NR3C1: variants seen among roughly 807,000 people sequenced by gnomAD.
NR3C1 encodes glucocorticoid receptor.
NR3C1 carries 14 observed loss-of-function variants against 74.0 expected under a neutral mutation model. The observed-to-expected ratio is 0.19, with a 90% CI of 0.12 to 0.30. NR3C1 has a LOEUF of 0.30. Among genes scored for constraint, NR3C1 ranks in the 10% least tolerant of loss-of-function variants. NR3C1 has a pLI of 1.00. For synonymous variants in NR3C1, 308 were observed against 332.5 expected (o/e 0.93, Z 0.80); for missense variants, 695 against 909.8 (o/e 0.76, Z 3.04).
At chr5:143,310,030 C>T in intron 4 of NR3C1, 67 bp downstream of exon 4, 1 of 1,220,986 alleles carries the variant, frequency 8.2e-7, no homozygotes, top group South Asian at 1.2e-5. Flanking sequence ...CGTGTATCTT[C>T]AAAAGTAAAA....
At chr5:143,292,196 T>C (rs1178910071) in intron 7 of NR3C1, among the ~76,000 whole-genome samples, 1 of 152,140 alleles carries the variant, frequency 6.6e-6, no homozygotes, top group African/African-American at 2.4e-5. Context: ...TTTTCTTCTG[T>C]TGTTTTTGGG....
In NR3C1 at chr5:143,279,530, C is replaced by T. The variant is rs1812796610; in HGVS notation, c.*2359G>A. 2.1e-6 allele frequency: 2 copies of T among 954,842 alleles called. No individual in the cohort carries two copies. Among genetic ancestry groups the T allele is most frequent in the African/African-American group, 1.7e-5 (1 of 57,780 alleles). 59.1% of individuals were successfully genotyped at this position (954,842 alleles called of 1,614,324 possible). ...AAAATTTATCCAGCCGGGTTACACACCATCTTAAAATATTACATTCCCTTT... is the reference window on the plus strand; with the variant it reads ...AAAATTTATCCAGCCGGGTTACACATCATCTTAAAATATTACATTCCCTTT... On this transcript the variant is annotated 3_prime_UTR_variant, in exon 9 of 9. Coordinates refer to ENST00000394464, the MANE Select transcript of NR3C1 (RefSeq NM_000176.3).
At chr5:143,327,303 T>C (rs967461580) in intron 2 of NR3C1, among the ~76,000 whole-genome samples, 11 of 152,036 alleles carry the variant, frequency 7.2e-5, no homozygotes, top group African/African-American at 2.7e-4. Context: ...AAGAACAGCA[T>C]GGAAAAAACC....
At chr5:143,433,154 GA>G (rs1751917237) in intron 1 of NR3C1, among the ~76,000 whole-genome samples, 1 of 151,944 alleles carries the variant, frequency 6.6e-6, no homozygotes, top group South Asian at 2.1e-4. Context: ...ATCTGTTAAT[GA>G]TATACCCCAA....
At chr5:143,356,411 T>A (rs944491194) in intron 2 of NR3C1, among the ~76,000 whole-genome samples, 1 of 152,012 alleles carries the variant, frequency 6.6e-6, no homozygotes, top group East Asian at 1.9e-4. Context: ...ACCCTGATTA[T>A]CAAGAGAAAA....
At chr5:143,353,522 G>C (rs181408563) in intron 2 of NR3C1, among the ~76,000 whole-genome samples, 69 of 152,260 alleles carry the variant, frequency 4.5e-4, no homozygotes, top group Non-Finnish European at 8.8e-4. Context: ...GGCTACAAAT[G>C]GATGATGTGT....
intron 2 of NR3C1, among the ~76,000 whole-genome samples, chr5:143,340,963 C>T (rs926641300): frequency 6.6e-6 from 1 of 152,056 alleles, no homozygotes; most frequent in African/African-American, 2.4e-5. Context: ...ATCTTTTCTG[C>T]TCCTCTCCCT....
At chr5:143,391,140 A>T (rs1838156110) in intron 2 of NR3C1, among the ~76,000 whole-genome samples, 1 of 152,190 alleles carries the variant, frequency 6.6e-6, no homozygotes, top group African/African-American at 2.4e-5. Flanking sequence ...TCTGATTAAA[A>T]TTTTTTTAAG....
chr5:143,321,693 T>C (rs1438240087), intron 2 of NR3C1, among the ~76,000 whole-genome samples: 3 of 152,220 alleles, frequency 2.0e-5, no homozygotes, highest in Non-Finnish European at 4.4e-5. Flanking sequence ...AGTTTCTTTA[T>C]CACTACAGGG....
intron 2 of NR3C1, among the ~76,000 whole-genome samples, chr5:143,396,384 T>C (rs1175950598): frequency 1.3e-5 from 2 of 151,596 alleles, no homozygotes; most frequent in East Asian, 3.8e-4. Context: ...AATATTAAGC[T>C]TAAAAAACAC....
intron 2 of NR3C1, among the ~76,000 whole-genome samples, chr5:143,383,401 T>C (rs1836605834): frequency 6.6e-6 from 1 of 152,242 alleles, no homozygotes; most frequent in Non-Finnish European, 1.5e-5. Flanking sequence ...TGCTAGGTGT[T>C]ATAGTGAAAA....
In NR3C1 at chr5:143,400,768, T is replaced by C. The variant is rs72542738; in HGVS notation, c.72A>G (p.Gly24=). 30 of 1,614,126 alleles carry C rather than the reference T, an allele frequency of 1.9e-5. No homozygotes were observed. In the East Asian group the frequency reaches 6.5e-4, roughly 35 times the overall value. The change falls in exon 2 of 9, where the codon GGA becomes GGG. Residue 24 remains glycine (G), a synonymous_variant. Coordinates refer to ENST00000394464, the MANE Select transcript of NR3C1 (RefSeq NM_000176.3). ...GGGTTTTATAGAAGTCCATCACATC[T>C]CCCCTCTCCTGAGCAAGCACACTGC... is the stretch of plus-strand genomic sequence containing the variant. ...NPSSVLAQER[G]DVMDFYKTLR...
At chr5:143,397,040 A>G (rs1373328704) in intron 2 of NR3C1, among the ~76,000 whole-genome samples, 3 of 151,878 alleles carry the variant, frequency 2.0e-5, no homozygotes, top group Admixed American at 6.6e-5. Flanking sequence ...TTGTTTTACT[A>G]TAAATGAACT....
chr5:143,288,893 G>A (rs1370449658), intron 7 of NR3C1, among the ~76,000 whole-genome samples: 1 of 151,822 alleles, frequency 6.6e-6, no homozygotes, highest in Non-Finnish European at 1.5e-5. Flanking sequence ...ATCACCTGAG[G>A]TCAGGGTTTG....
chr5:143,300,470 T>C lies in NR3C1; in HGVS notation c.1747+15A>G. Reference sequence around the variant, plus strand: ...AAAGGTTTATATAGTTGCTCTTTTATGTTTTGCATCTTACCTGGTATTGCC... The same window carrying C: ...AAAGGTTTATATAGTTGCTCTTTTACGTTTTGCATCTTACCTGGTATTGCC... On this transcript the variant is annotated intron_variant, in intron 5 of 8. Transcript: ENST00000394464. The surrounding 1 kb of genome is among the most constrained non-coding windows in gnomAD (Gnocchi z 5.2). 2 of 1,614,172 alleles carry C rather than the reference T, an allele frequency of 1.2e-6. No individual in the cohort carries two copies. Among genetic ancestry groups the C allele is most frequent in the Non-Finnish European group, 8.5e-7 (1 of 1,179,990 alleles).
Position 143,399,885 on chromosome 5 carries a change from T to C in NR3C1, c.955A>G (p.Ile319Val), listed in dbSNP as rs752834812. The change falls in exon 2 of 9, where the codon ATT (isoleucine) becomes GTT (valine). Residue 319 changes from isoleucine (I) to valine (V), a missense_variant. Ile to Val is a conservative substitution (Grantham distance 29). Coordinates refer to ENST00000394464, the MANE Select transcript of NR3C1 (RefSeq NM_000176.3). ...ANIIGNKMSA[I>V]SVHGVSTSGG... ...GAGGTACTCACACCATGAACAGAAA[T>C]GGCAGACATTTTATTACCAATTATA... The C allele has an allele frequency of 1.9e-6, 3 of 1,614,170 alleles. No homozygotes were observed. The highest frequency in any genetic ancestry group is 1.7e-6 in the Non-Finnish European group (2 of 1,180,018).
intron 2 of NR3C1, among the ~76,000 whole-genome samples, chr5:143,317,515 A>C (rs1015303296): frequency 2.6e-5 from 4 of 152,140 alleles, no homozygotes; most frequent in Admixed American, 2.0e-4. Flanking sequence ...TTGGAACAAA[A>C]TGCCTTGTTC....
At chr5:143,316,279 C>A (rs977610376) in intron 2 of NR3C1, among the ~76,000 whole-genome samples, 3 of 152,140 alleles carry the variant, frequency 2.0e-5, no homozygotes, top group Non-Finnish European at 4.4e-5. Context: ...TGAAGATACT[C>A]CTATTCTTGC....
chr5:143,406,190 C>T (rs1841099424), upstream of NR3C1, among the ~76,000 whole-genome samples: 1 of 151,318 alleles, frequency 6.6e-6, no homozygotes. Flanking sequence ...AACACATCTC[C>T]CCATGCCATT....
Sources: allele counts gnomAD v4.1 joint callset (sites outside exome capture counted in the v4.1 genomes callset), GRCh38; gene constraint gnomAD v4.1.1; non-coding constraint Gnocchi (gnomAD v3.1); transcripts MANE v1.5; gene names NCBI Gene and HGNC (gene_info 2026-07-23, HGNC 2026-07-21).